C8orf76: variants seen among roughly 807,000 people sequenced by gnomAD.
The protein encoded by C8orf76 is uncharacterized protein C8orf76.
Under a neutral mutation model 38.1 loss-of-function variants are expected in C8orf76, and 46 were observed. That is an observed-to-expected ratio of 1.21 (90% confidence interval 0.95 to 1.54). C8orf76 has a LOEUF of 1.54. Ranked by LOEUF, C8orf76 falls within the 40% of genes most tolerant of loss-of-function variation. C8orf76 has a pLI of 0.00. For synonymous variants in C8orf76, 166 were observed against 167.5 expected (o/e 0.99, Z 0.07); for missense variants, 461 against 441.6 (o/e 1.04, Z -0.39).
chr8:123,223,925 T>C (rs1824955298), intron 5 of C8orf76, among the ~76,000 whole-genome samples: 2 of 152,064 alleles, frequency 1.3e-5, no homozygotes, highest in Non-Finnish European at 1.5e-5. Context: ...AGAAAAATAG[T>C]AGATTAGAGG....
intron 5 of C8orf76, among the ~76,000 whole-genome samples, chr8:123,225,874 G>A (rs192706868): frequency 1.1e-3 from 174 of 151,748 alleles, no homozygotes; most frequent in African/African-American, 4.0e-3. Context: ...GCAGTGAGCC[G>A]AGATCGTGCC....
rs777308267 is a variant in C8orf76 at position 123,231,700 on chromosome 8, T to C, written c.415A>G (p.Ile139Val). ...TCCAAGTTCTGCAAACTTGAACAAA[T>C]AGCAAGCTGGAGGTAGAGTACCGTG... ...LTTVLYLQLA[I>V]CSSLQNLEKT... Residue 139 changes from isoleucine to valine, a missense_variant, in exon 4 of 6, where the codon ATT becomes GTT. Ile to Val is a conservative substitution (Grantham distance 29). Coordinates refer to ENST00000276704, the MANE Select transcript of C8orf76 (RefSeq NM_032847.3). 6 of 1,613,276 alleles carry C rather than the reference T, an allele frequency of 3.7e-6. No individual in the cohort carries two copies. The highest frequency in any genetic ancestry group is 3.3e-5 in the South Asian group (3 of 91,072).
chr8:123,239,903 A>C (rs563755829), intron 1 of C8orf76: 6 of 151,678 alleles, frequency 4.0e-5, no homozygotes, highest in African/African-American at 1.5e-4. Flanking sequence ...GAGGCAGGAG[A>C]ATCGCTTTAA....
intron 3 of C8orf76, among the ~76,000 whole-genome samples, chr8:123,235,575 GAGC>G (rs1328696926): frequency 2.0e-5 from 3 of 152,168 alleles, no homozygotes; most frequent in African/African-American, 7.2e-5. Context: ...CGAACCCCAC[GAGC>G]CCGCTTTCCA....
intron 4 of C8orf76, among the ~76,000 whole-genome samples, chr8:123,230,081 G>A (rs1825195907): frequency 1.3e-5 from 2 of 152,108 alleles, no homozygotes; most frequent in South Asian, 4.1e-4. Context: ...AAGCCTCACT[G>A]TTAATATTTC....
chr8:123,240,883 C>T (rs1260778033), intron 1 of C8orf76, among the ~76,000 whole-genome samples: 2 of 152,180 alleles, frequency 1.3e-5, no homozygotes, highest in Non-Finnish European at 2.9e-5. Context: ...CGGAGGTCAC[C>T]GTTTTGGGAG....
At chr8:123,220,689 G>A (rs1471252160) in intron 5 of C8orf76, among the ~76,000 whole-genome samples, 2 of 152,138 alleles carry the variant, frequency 1.3e-5, no homozygotes, top group African/African-American at 4.8e-5. Context: ...GCATGTAGCT[G>A]GGCCCACCTT....
intron 4 of C8orf76, 57 bp from the exon 5 acceptor site, chr8:123,226,689 G>C: frequency 3.9e-6 from 6 of 1,527,288 alleles, no homozygotes; most frequent in Non-Finnish European, 1.7e-6. Flanking sequence ...TCCAGATAAA[G>C]GAAAGCCGCG....
chr8:123,222,982 C>T (rs542420530), intron 5 of C8orf76, among the ~76,000 whole-genome samples: 7 of 152,202 alleles, frequency 4.6e-5, no homozygotes, highest in Admixed American at 6.5e-5. Context: ...TTAAATCCAG[C>T]GATTCTATTT....
chr8:123,228,098 C>T (rs138439142), intron 4 of C8orf76, among the ~76,000 whole-genome samples: 1 of 152,306 alleles, frequency 6.6e-6, no homozygotes, highest in African/African-American at 2.4e-5. Flanking sequence ...TGTGCATCCT[C>T]GAGAGACTCT....
rs372669031 is a variant in C8orf76 at position 123,220,324 on chromosome 8, G to T, written c.949-27C>A. ...TATAACAGGAGGAAAAAAAAAAACT[G>T]TCCCAATAAAAGAGGCAGAGACATG... On this transcript the variant is annotated intron_variant, in intron 5 of 5. Coordinates refer to ENST00000276704, the MANE Select transcript of C8orf76 (RefSeq NM_032847.3). 2.3e-5 allele frequency: 34 copies of T among 1,475,422 alleles called. No individual in the cohort carries two copies. The African/African-American group carries it at 4.4e-4, about 19-fold the overall frequency. The allele number at this position is 1,475,422 out of a possible 1,614,324, so 91.4% of individuals were successfully genotyped here.
At chr8:123,240,661 T>C (rs1398740238) in intron 1 of C8orf76, among the ~76,000 whole-genome samples, 1 of 152,254 alleles carries the variant, frequency 6.6e-6, no homozygotes, top group Non-Finnish European at 1.5e-5. Context: ...GTGGGAATAC[T>C]GACAAGTGCT....
At chr8:123,235,979 G>A (rs1825460167) in intron 3 of C8orf76, among the ~76,000 whole-genome samples, 2 of 152,316 alleles carry the variant, frequency 1.3e-5, no homozygotes, top group Admixed American at 6.5e-5. Context: ...ATCCCATCAA[G>A]TTAACTGCTC....
intron 4 of C8orf76, among the ~76,000 whole-genome samples, chr8:123,227,997 C>G (rs1198655738): frequency 6.6e-6 from 1 of 152,150 alleles, no homozygotes; most frequent in East Asian, 1.9e-4. Flanking sequence ...CGACTCGGTA[C>G]TTCAAGCCTA....
intron 3 of C8orf76, among the ~76,000 whole-genome samples, chr8:123,233,104 T>C (rs1825334691): frequency 6.6e-6 from 1 of 151,718 alleles, no homozygotes; most frequent in Non-Finnish European, 1.5e-5. Context: ...CACCGCAACC[T>C]CTGCCTCCCT....
chr8:123,225,466 C>T (rs1412897300), intron 5 of C8orf76, among the ~76,000 whole-genome samples: 2 of 152,092 alleles, frequency 1.3e-5, no homozygotes, highest in Non-Finnish European at 2.9e-5. Flanking sequence ...ACAATGGAAC[C>T]TAGGGGTGTG....
rs1293982635 is a variant in C8orf76 at position 123,231,369 on chromosome 8, A to G, written c.746T>C (p.Met249Thr). The G allele has an allele frequency of 1.3e-5, 21 of 1,614,192 alleles. No individual in the cohort carries two copies. Among genetic ancestry groups the G allele is most frequent in the Non-Finnish European group, 1.8e-5 (21 of 1,180,032 alleles). ...CAACACTGTTTCTCTCTTTTCTGCC[A>G]TACAGTTTTGGATATTTGTCAGAGC... ...EKALTNIQNC[M>T]AEKRETVLIE... is the part of the protein sequence containing the mutation. Residue 249 changes from methionine to threonine, a missense_variant, in exon 4 of 6, where the codon ATG becomes ACG. By Grantham distance (81) the Met-to-Thr change is moderately conservative (BLOSUM62 -1). Coordinates refer to ENST00000276704, the MANE Select transcript of C8orf76 (RefSeq NM_032847.3).
At chr8:123,231,149 C>T in intron 4 of C8orf76, 151 bp downstream of exon 4, 1 of 988,412 alleles carries the variant, frequency 1.0e-6, no homozygotes, top group Non-Finnish European at 1.4e-6. Flanking sequence ...GTATTACACA[C>T]TAGAATGACA....
At chr8:123,234,262 T>C (rs1236646601) in intron 3 of C8orf76, among the ~76,000 whole-genome samples, 1 of 152,192 alleles carries the variant, frequency 6.6e-6, no homozygotes, top group African/African-American at 2.4e-5. Context: ...GTTAGATAAC[T>C]TGCCTGCCAT....
Sources: allele counts gnomAD v4.1 joint callset (sites outside exome capture counted in the v4.1 genomes callset), GRCh38; gene constraint gnomAD v4.1.1; transcripts MANE v1.5; gene names NCBI Gene and HGNC (gene_info 2026-07-23, HGNC 2026-07-21).